The following PTPRN2 variants were observed in gnomAD, a reference collection of about 807,000 sequenced individuals.
PTPRN2 encodes protein tyrosine phosphatase receptor type N2.
In PTPRN2, 74 loss-of-function variants were observed where a neutral mutation model predicts 118.8. That is an observed-to-expected ratio of 0.62 (90% CI 0.52 to 0.76). PTPRN2 has a LOEUF of 0.76. Among genes scored for constraint, PTPRN2 ranks in the 30% least tolerant of loss-of-function variants. PTPRN2 has a pLI of 0.00. For synonymous variants in PTPRN2, 641 were observed against 608.0 expected, an observed-to-expected ratio of 1.05 and a Z score of -0.80; for missense variants, 1,481 against 1,394.4, an observed-to-expected ratio of 1.06 and a Z score of -0.99.
intron 21 of PTPRN2, among the ~76,000 whole-genome samples, chr7:157,553,692 G>C (rs187972855): frequency 6.6e-6 from 1 of 152,312 alleles, no homozygotes; most frequent in African/African-American, 2.4e-5. Flanking sequence ...CAAAACTGAA[G>C]AGCGGAGGAA....
intron 5 of PTPRN2, among the ~76,000 whole-genome samples, chr7:158,189,069 C>G (rs1038307698): frequency 6.6e-6 from 1 of 152,178 alleles, no homozygotes; most frequent in Non-Finnish European, 1.5e-5. Flanking sequence ...CATGGGGCAT[C>G]ACTAGGATAC....
intron 3 of PTPRN2, among the ~76,000 whole-genome samples, chr7:158,290,434 T>C (rs536014783): frequency 1.3e-5 from 2 of 151,976 alleles, no homozygotes; most frequent in Admixed American, 1.3e-4. Context: ...TCAACCTGTA[T>C]GCGGAGTGGG....
rs539006826 is a variant in PTPRN2, at chr7:157,983,353, C to T, written c.1724-84616G>A. ...AGGAGAATGCAGTGCAGGGTCCCCC[C>T]TAAACCCCGAGTCATAGAGATGAGG... On this transcript the variant is annotated intron_variant, in intron 11 of 22. Transcript: ENST00000389418. Among the ~76,000 whole-genome samples, 252 of 151,124 alleles carry T rather than the reference C, an allele frequency of 1.7e-3. 3 individuals carry two copies. The highest frequency in any genetic ancestry group is 3.0e-3 in the Admixed American group (45 of 15,186).
chr7:157,802,692 A>C (rs1054169728), intron 12 of PTPRN2, among the ~76,000 whole-genome samples: 4 of 152,224 alleles, frequency 2.6e-5, no homozygotes, highest in Non-Finnish European at 5.9e-5. Flanking sequence ...TATTCCCACC[A>C]ACAGCATGTA....
intron 11 of PTPRN2, among the ~76,000 whole-genome samples, chr7:158,007,756 G>T (rs896109257): frequency 1.3e-5 from 2 of 151,982 alleles, no homozygotes; most frequent in African/African-American, 4.8e-5. Context: ...GTGTGGCTGT[G>T]CTATGTGTGA....
intron 6 of PTPRN2, among the ~76,000 whole-genome samples, chr7:158,147,674 C>G (rs1329138557): frequency 7.6e-6 from 1 of 131,160 alleles, no homozygotes; most frequent in African/African-American, 2.9e-5. Context: ...CTTTCCCCCT[C>G]ACTGACACCC....
intron 5 of PTPRN2, among the ~76,000 whole-genome samples, chr7:158,183,415 C>T (rs987697642): frequency 2.6e-5 from 4 of 152,290 alleles, no homozygotes; most frequent in East Asian, 3.9e-4. Flanking sequence ...GTGGCTGCAG[C>T]GTGCTTCCCA....
intron 15 of PTPRN2, among the ~76,000 whole-genome samples, chr7:157,612,074 C>T (rs929812604): frequency 6.6e-6 from 1 of 152,212 alleles, no homozygotes; most frequent in Admixed American, 6.5e-5. Context: ...TCTGTCCCTG[C>T]AGCCCTCCAG....
intron 12 of PTPRN2, among the ~76,000 whole-genome samples, chr7:157,738,492 G>A (rs528076027): frequency 6.4e-4 from 97 of 152,336 alleles, no homozygotes; most frequent in Non-Finnish European, 1.1e-3. Flanking sequence ...CGAGAGGTGG[G>A]TGGGAGGGAC....
At chr7:157,865,199 G>T (rs549710881) in intron 12 of PTPRN2, 1 of 152,376 alleles carries the variant, frequency 6.6e-6, no homozygotes, top group Non-Finnish European at 1.5e-5. Context: ...GACGGGAGCC[G>T]GGCACTGTGG....
At position 158,264,518 on chromosome 7, in the gene PTPRN2, C is replaced by T. The variant is rs535966534; in HGVS notation, c.277+52301G>A. 5.9e-5 allele frequency among the ~76,000 whole-genome samples: 9 copies of T among 152,324 alleles called. No individual in the cohort carries two copies. The South Asian group carries it at 1.2e-3, about 21-fold the overall frequency. ...ATACGACAGATCGCCATGGGCCACA[C>T]GTGACATGTGCATGGGTACCTGCAG... On this transcript the variant is annotated intron_variant, in intron 3 of 22. Coordinates refer to ENST00000389418, the MANE Select transcript of PTPRN2 (RefSeq NM_002847.5).
At chr7:157,697,325 C>T (rs1797841371) in intron 12 of PTPRN2, among the ~76,000 whole-genome samples, 1 of 144,284 alleles carries the variant, frequency 6.9e-6, no homozygotes, top group Admixed American at 6.8e-5. Context: ...TCACCATCTA[C>T]CCATGCATAC....
intron 12 of PTPRN2, among the ~76,000 whole-genome samples, chr7:157,698,457 G>A (rs557506046): frequency 3.3e-5 from 5 of 152,300 alleles, no homozygotes; most frequent in South Asian, 4.1e-4. Flanking sequence ...ATGAAACCAC[G>A]TGCTTATAAA....
Position 157,621,426 on chromosome 7 carries a change from G to A in PTPRN2, c.2280C>T (p.Asn760=). The stretch of plus-strand genomic sequence containing the variant: ...CCTCCCTCTGGGCCACGAACGAGCT[G>A]TTGGGCTCCGCCTGGTAGGCGCACA... ...EALCAYQAEP[N]SSFVAQREEN... Residue 760 remains asparagine, a synonymous_variant, in exon 15 of 23, where the codon AAC becomes AAT. Transcript: ENST00000389418. 1 of 1,613,778 alleles carries A rather than the reference G, an allele frequency of 6.2e-7. No individual in the cohort carries two copies. The highest frequency in any genetic ancestry group is 8.5e-7 in the Non-Finnish European group (1 of 1,179,958).
At chr7:158,160,840 A>C (rs529156091) in intron 6 of PTPRN2, among the ~76,000 whole-genome samples, 7 of 152,368 alleles carry the variant, frequency 4.6e-5, no homozygotes, top group African/African-American at 1.4e-4. Context: ...ATGTCTGCAA[A>C]AATACGAATG....
At chr7:158,071,299 T>C (rs1382822193) in intron 11 of PTPRN2, among the ~76,000 whole-genome samples, 1 of 113,764 alleles carries the variant, frequency 8.8e-6, no homozygotes, top group Non-Finnish European at 1.9e-5. Context: ...GAGGTGCTCG[T>C]GGTGGAGGTG....
At chr7:157,701,933 A>G (rs934982548) in intron 12 of PTPRN2, among the ~76,000 whole-genome samples, 8 of 144,810 alleles carry the variant, frequency 5.5e-5, no homozygotes, top group African/African-American at 2.1e-4. Context: ...CTGTGCATTT[A>G]TAAGAAAGCC....
At chr7:157,614,656 AC>A (rs1012722993) in intron 15 of PTPRN2, among the ~76,000 whole-genome samples, 1 of 151,978 alleles carries the variant, frequency 6.6e-6, no homozygotes, top group Non-Finnish European at 1.5e-5. Context: ...GACGACCCCA[AC>A]CCCCAGGACT....
rs765722971 is a variant in PTPRN2 at position 158,133,826 on chromosome 7, C to A, written c.1407G>T (p.Ala469=). 1.4e-5 allele frequency: 22 copies of A among 1,613,874 alleles called. No homozygotes were observed. Among genetic ancestry groups the A allele is most frequent in the Non-Finnish European group, 1.5e-5 (18 of 1,180,028 alleles). Reference sequence around the variant, plus strand: ...GCATCTGGTTTTGGAGCTCCCCAAACGCAGCGGCCCCGGGCTCCGAATGCG... The same window carrying A: ...GCATCTGGTTTTGGAGCTCCCCAAAAGCAGCGGCCCCGGGCTCCGAATGCG... The part of the protein sequence containing the change: ...QQPHSEPGAA[A]FGELQNQMPG... The change falls in exon 9 of 23, where the codon GCG becomes GCT. Residue 469 remains alanine (A), a synonymous_variant. Transcript: ENST00000389418.
Sources: allele counts gnomAD v4.1 joint callset (sites outside exome capture counted in the v4.1 genomes callset), GRCh38; gene constraint gnomAD v4.1.1; transcripts MANE v1.5; gene names NCBI Gene and HGNC (gene_info 2026-07-23, HGNC 2026-07-21).